NALF1: variants seen among roughly 807,000 people sequenced by gnomAD.
NALF1 encodes the protein family with sequence similarity 155 member A.
NALF1 carries 3 observed loss-of-function variants against 48.4 expected under a neutral mutation model. The observed-to-expected ratio is 0.06, with a 90% CI of 0.03 to 0.16. The LOEUF (loss-of-function observed/expected upper bound fraction) is 0.16. Ranked by LOEUF, NALF1 falls within the 10% of genes least tolerant of loss-of-function variation. NALF1 has a pLI of 1.00. For missense variants in NALF1, 526 were observed against 571.5 expected, an observed-to-expected ratio of 0.92 and a Z score of 0.81; for synonymous variants, 262 against 245.7, an observed-to-expected ratio of 1.07 and a Z score of -0.62.
chr13:107,630,301 T>C (rs1879800188), intron 1 of NALF1, among the ~76,000 whole-genome samples: 1 of 152,122 alleles, frequency 6.6e-6, no homozygotes, highest in African/African-American at 2.4e-5. Flanking sequence ...CCAGGCAGCA[T>C]TCTTGTTCAC....
intron 1 of NALF1, among the ~76,000 whole-genome samples, chr13:107,599,286 G>C (rs182393470): frequency 6.6e-6 from 1 of 152,142 alleles, no homozygotes; most frequent in Non-Finnish European, 1.5e-5. Context: ...GCCAGGCGTG[G>C]TGGCGGGCAT....
At chr13:107,501,073 G>A (rs1010663154) in intron 1 of NALF1, among the ~76,000 whole-genome samples, 1 of 151,816 alleles carries the variant, frequency 6.6e-6, no homozygotes, top group African/African-American at 2.4e-5. Flanking sequence ...TGCACATTGT[G>A]CACATGTACC....
At chr13:107,553,086 T>A (rs1331093118) in intron 1 of NALF1, among the ~76,000 whole-genome samples, 1 of 152,168 alleles carries the variant, frequency 6.6e-6, no homozygotes, top group Non-Finnish European at 1.5e-5. Context: ...ATCATCAATA[T>A]ATAGTAAATG....
rs76203553 is a variant in NALF1, at chr13:107,531,519, T to C, written c.916-320764A>G. On this transcript the variant is annotated intron_variant, in intron 1 of 2. Transcript: ENST00000375915. ...CAATTAAACCTCTTTGTTTTATAAA[T>C]TATGCAATCACAGGTATTCCTTTAT... 2.9e-3 allele frequency among the ~76,000 whole-genome samples: 440 copies of C among 152,236 alleles called. 2 individuals are homozygous for C. Among genetic ancestry groups the C allele is most frequent in the African/African-American group, 9.9e-3 (412 of 41,568 alleles).
At chr13:107,450,414 G>T (rs1171715718) in intron 1 of NALF1, among the ~76,000 whole-genome samples, 1 of 152,146 alleles carries the variant, frequency 6.6e-6, no homozygotes, top group Non-Finnish European at 1.5e-5. Flanking sequence ...GCCAACACAA[G>T]CCTGTGGGAG....
chr13:107,762,690 CGTT>C (rs1266201487), intron 1 of NALF1, among the ~76,000 whole-genome samples: 1 of 152,052 alleles, frequency 6.6e-6, no homozygotes, highest in Admixed American at 6.6e-5. Flanking sequence ...CATACAGAGT[CGTT>C]GTTCAGTGGG....
rs942686985 is a variant in NALF1, at chr13:107,846,053, G to A, written c.915+19629C>T. Among the ~76,000 whole-genome samples, 5 of 152,092 alleles carry A rather than the reference G, an allele frequency of 3.3e-5. 1 individual carries two copies. In the South Asian group the frequency reaches 1.0e-3, roughly 32 times the overall value. On this transcript the variant is annotated intron_variant, in intron 1 of 2. Transcript: ENST00000375915. ...ACAAATCTATCTTCTTTGAGCCCAG[G>A]TTCTCTGCATTTTGCCCTTATCCCC...
intron 1 of NALF1, among the ~76,000 whole-genome samples, chr13:107,504,119 G>A (rs1330134567): frequency 6.6e-6 from 1 of 151,866 alleles, no homozygotes; most frequent in African/African-American, 2.4e-5. Context: ...GGGTGTGGCG[G>A]CACGTGCCTG....
chr13:107,245,231 C>G (rs1880556496), intron 1 of NALF1, among the ~76,000 whole-genome samples: 1 of 152,134 alleles, frequency 6.6e-6, no homozygotes, highest in Non-Finnish European at 1.5e-5. Flanking sequence ...ATAATGATAG[C>G]TACTTCTATA....
At position 107,866,641 on chromosome 13, in the gene NALF1, C is replaced by G; in HGVS notation, c.-45G>C. The G allele has an allele frequency of 3.9e-6, 6 of 1,535,162 alleles. No homozygotes were observed. Among genetic ancestry groups the G allele is most frequent in the Non-Finnish European group, 5.3e-6 (6 of 1,139,098 alleles). The stretch of plus-strand genomic sequence containing the variant: ...CTGGCCGACTCCACCGTGAGGGCGC[C>G]TGTGCCGGTGTCACCACAATATGCA... On this transcript the variant is annotated 5_prime_UTR_variant, in exon 1 of 3. Transcript: ENST00000375915. This position sits in a 1 kb window ranked among gnomAD's most constrained non-coding sequence, Gnocchi z 4.4.
At chr13:107,249,299 T>C (rs1880646692) in intron 1 of NALF1, among the ~76,000 whole-genome samples, 1 of 152,094 alleles carries the variant, frequency 6.6e-6, no homozygotes, top group South Asian at 2.1e-4. Flanking sequence ...AGCGAGGAAA[T>C]CTACATTAAG....
chr13:107,665,312 A>C (rs1880829774), intron 1 of NALF1, among the ~76,000 whole-genome samples: 1 of 152,174 alleles, frequency 6.6e-6, no homozygotes, highest in Non-Finnish European at 1.5e-5. Flanking sequence ...TGTTTGTTTC[A>C]GGAGTGTTGA....
chr13:107,753,136 C>A (rs1876986661), intron 1 of NALF1, among the ~76,000 whole-genome samples: 1 of 152,214 alleles, frequency 6.6e-6, no homozygotes, highest in African/African-American at 2.4e-5. Flanking sequence ...CTCTAATGCT[C>A]CTTGCAGCCC....
intron 1 of NALF1, among the ~76,000 whole-genome samples, chr13:107,664,788 T>C (rs562462356): frequency 4.9e-4 from 74 of 152,298 alleles, no homozygotes; most frequent in African/African-American, 1.7e-3. Flanking sequence ...CATTCATCCT[T>C]TTTTAATTTG....
intron 2 of NALF1, among the ~76,000 whole-genome samples, chr13:107,203,300 G>A (rs918671445): frequency 6.6e-6 from 1 of 152,170 alleles, no homozygotes; most frequent in African/African-American, 2.4e-5. Flanking sequence ...ACTCAGTCAC[G>A]TTGAATGCAG....
chr13:107,286,713 A>T (rs1881501645), intron 1 of NALF1, among the ~76,000 whole-genome samples: 1 of 152,218 alleles, frequency 6.6e-6, no homozygotes, highest in South Asian at 2.1e-4. Context: ...GCCTGGAAAC[A>T]GAACGACATA....
intron 1 of NALF1, among the ~76,000 whole-genome samples, chr13:107,645,415 A>G (rs1880289026): frequency 6.6e-6 from 1 of 152,150 alleles, no homozygotes; most frequent in Non-Finnish European, 1.5e-5. Context: ...GATTTTATCC[A>G]ATTTGGTACT....
At chr13:107,571,873 G>T (rs1877995014) in intron 1 of NALF1, among the ~76,000 whole-genome samples, 1 of 152,154 alleles carries the variant, frequency 6.6e-6, no homozygotes, top group South Asian at 2.1e-4. Context: ...GAGTAGAAGT[G>T]TTATGTTTGA....
chr13:107,549,423 CA>C (rs1268090245), intron 1 of NALF1, among the ~76,000 whole-genome samples: 2 of 152,100 alleles, frequency 1.3e-5, no homozygotes, highest in Non-Finnish European at 2.9e-5. Flanking sequence ...GGTTTCACAT[CA>C]GGTGAGATTA....
Sources: gnomAD v4.1 joint callset for allele counts (sites outside exome capture counted in the v4.1 genomes callset) on GRCh38, gnomAD v4.1.1 for gene constraint, Gnocchi (gnomAD v3.1) non-coding constraint, MANE v1.5 for transcripts, NCBI Gene and HGNC (gene_info 2026-07-23, HGNC 2026-07-21) for gene names.